The following NF1 variants were observed in gnomAD, a reference collection of about 807,000 sequenced individuals.
NF1 encodes neurofibromin.
A neutral mutation model predicts 325.7 loss-of-function variants in NF1; 122 were observed. That is an observed-to-expected ratio of 0.37 (90% confidence interval 0.32 to 0.44). The LOEUF (loss-of-function observed/expected upper bound fraction) is 0.44, where lower values mean the gene tolerates loss of function less well. Among genes scored for constraint, NF1 ranks in the 20% least tolerant of loss-of-function variants. The pLI is 1.00. For missense variants in NF1, 2,140 were observed against 3,415.4 expected (o/e 0.63, Z 9.31); for synonymous variants, 1,091 against 1,186.0 (o/e 0.92, Z 1.65).
intron 36 of NF1, chr17:31,304,334 ACTC>A (rs771394852): frequency 3.7e-6 from 6 of 1,613,954 alleles, no homozygotes; most frequent in Non-Finnish European, 5.1e-6. Flanking sequence ...GGAATAGAGA[ACTC>A]CTGACACTGG....
intron 4 of NF1, among the ~76,000 whole-genome samples, chr17:31,164,121 A>C (rs1191591186): frequency 1.3e-5 from 2 of 152,216 alleles, no homozygotes; most frequent in African/African-American, 4.8e-5. Context: ...TGATGTGCCA[A>C]ATAATGGAGG....
chr17:31,246,422 A>T (rs1379637891), intron 29 of NF1, among the ~76,000 whole-genome samples: 1 of 152,242 alleles, frequency 6.6e-6, no homozygotes, highest in African/African-American at 2.4e-5. Context: ...TACAGCAATG[A>T]CGTAAGTGTC....
chr17:31,358,986 T>C lies in NF1; in HGVS notation c.8131T>C (p.Leu2711=), dbSNP rs764019553. 1 of 1,613,978 alleles carries C rather than the reference T, an allele frequency of 6.2e-7. No homozygotes were observed. The highest frequency in any genetic ancestry group is 8.5e-7 in the Non-Finnish European group (1 of 1,179,920). ...SYLQSFGFNG[L]WRFAGPFSKQ... ...TGTTGCAGGTTTTGGTTTTAATGGC[T>C]TGTGGCGGTTTGCAGGACCGTTTTC... Residue 2711 remains leucine (L), a synonymous_variant, in exon 56 of 58, where the codon TTG becomes CTG. Coordinates refer to ENST00000358273, the MANE Select transcript of NF1 (RefSeq NM_001042492.3).
intron 36 of NF1, chr17:31,294,889 G>A: frequency 7.5e-7 from 1 of 1,342,198 alleles, no homozygotes; most frequent in Non-Finnish European, 1.1e-6. Context: ...AGTTAGAAAT[G>A]TTAAGACTGG....
At chr17:31,283,783 A>C (rs919103175) in intron 36 of NF1, among the ~76,000 whole-genome samples, 1 of 152,056 alleles carries the variant, frequency 6.6e-6, no homozygotes, top group Non-Finnish European at 1.5e-5. Context: ...CCACCTTATT[A>C]GGCCTAATTA....
intron 15 of NF1, chr17:31,222,585 C>T (rs2066944268): frequency 1.0e-6 from 1 of 1,002,270 alleles, no homozygotes. Flanking sequence ...ATAATGAGAA[C>T]CCCATATGTT....
intron 12 of NF1, among the ~76,000 whole-genome samples, chr17:31,214,035 G>T (rs2066775787): frequency 6.6e-6 from 1 of 152,104 alleles, no homozygotes; most frequent in Non-Finnish European, 1.5e-5. Flanking sequence ...TAGAGTCTAT[G>T]AAATACTTGT....
Position 31,200,572 on chromosome 17 carries a change from C to G in NF1, c.1039C>G (p.Gln347Glu), listed in dbSNP as rs1555610910. 6.2e-7 allele frequency: 1 copy of G among 1,614,088 alleles called. No individual in the cohort carries two copies. Among genetic ancestry groups the G allele is most frequent in the East Asian group, 2.2e-5 (1 of 44,862 alleles). ...TAACTCTGTCATTTTCCTACTTGTTCAGTCCATGGTGGTTGATCTTAAGGT... is the reference window on the plus strand; with the variant it reads ...TAACTCTGTCATTTTCCTACTTGTTGAGTCCATGGTGGTTGATCTTAAGGT... ...EDNSVIFLLV[Q>E]SMVVDLKNLL... is the part of the protein sequence containing the mutation. The change falls in exon 9 of 58, where the codon CAG (glutamine) becomes GAG (glutamate). Residue 347 changes from glutamine (Q) to glutamate (E), a missense_variant. Physicochemically the swap from Gln to Glu is conservative, Grantham distance 29. This residue lies in a region of NF1 where 179 missense variants were observed against 381.0 expected (regional missense o/e 0.47). Coordinates refer to ENST00000358273, the MANE Select transcript of NF1 (RefSeq NM_001042492.3).
Position 31,330,311 on chromosome 17 carries a change from T to C in NF1, c.5625T>C (p.Asn1875=), listed in dbSNP as rs1275173622. The C allele has an allele frequency of 1.2e-6, 2 of 1,614,086 alleles. No homozygotes were observed. Among genetic ancestry groups the C allele is most frequent in the South Asian group, 2.2e-5 (2 of 91,076 alleles). The change falls in exon 39 of 58, where the codon AAT becomes AAC. Residue 1875 remains asparagine (N), a synonymous_variant. Coordinates refer to ENST00000358273, the MANE Select transcript of NF1 (RefSeq NM_001042492.3). ...TTTCTCCTAGGTCAGCTGCCTATAA[T>C]CTTCTGTGTGCCTTAACTTGTACCT... ...SDPSLRSAAY[N]LLCALTCTFN...
chr17:31,373,939 G>A (rs934259703), intron 57 of NF1, 74 bp from the exon 58 acceptor site: 5 of 1,586,608 alleles, frequency 3.2e-6, no homozygotes, highest in Non-Finnish European at 4.3e-6. Flanking sequence ...CCGTTGTTAA[G>A]CGACACATGA....
chr17:31,307,666 A>G (rs1343411537), intron 36 of NF1, among the ~76,000 whole-genome samples: 1 of 152,194 alleles, frequency 6.6e-6, no homozygotes, highest in Admixed American at 6.5e-5. Context: ...GAAGAGTTCT[A>G]CTGAGACAAT....
intron 4 of NF1, among the ~76,000 whole-genome samples, chr17:31,164,563 T>A (rs2065815208): frequency 6.6e-6 from 1 of 152,242 alleles, no homozygotes; most frequent in Admixed American, 6.5e-5. Context: ...TGCCTGCATC[T>A]TTGGCTCGTC....
intron 57 of NF1, chr17:31,361,702 T>TG (rs2070405074): frequency 6.6e-6 from 1 of 152,212 alleles, no homozygotes; most frequent in African/African-American, 2.4e-5. Context: ...ACATAACTAT[T>TG]CTGTGATATT....
chr17:31,368,029 C>A (rs2070564261), intron 57 of NF1, among the ~76,000 whole-genome samples: 1 of 152,022 alleles, frequency 6.6e-6, no homozygotes, highest in Non-Finnish European at 1.5e-5. Context: ...ACATTTATGT[C>A]TAATTTATAA....
intron 31 of NF1, among the ~76,000 whole-genome samples, chr17:31,254,622 C>T (rs2067551601): frequency 2.0e-5 from 3 of 152,064 alleles, no homozygotes; most frequent in Admixed American, 6.5e-5. Flanking sequence ...TGTAGTGTAT[C>T]ACATAATTAA....
intron 8 of NF1, among the ~76,000 whole-genome samples, chr17:31,186,916 A>G (rs1215568558): frequency 6.6e-6 from 1 of 152,228 alleles, no homozygotes; most frequent in Non-Finnish European, 1.5e-5. Context: ...AGCCCTTGAT[A>G]TGACATCATT....
At chr17:31,268,426 A>G (rs1395290835) in intron 36 of NF1, among the ~76,000 whole-genome samples, 1 of 151,946 alleles carries the variant, frequency 6.6e-6, no homozygotes, top group African/African-American at 2.4e-5. Context: ...CAGGAGATCA[A>G]GACCGTCCTG....
intron 1 of NF1, among the ~76,000 whole-genome samples, 184 bp from the exon 2 acceptor site, chr17:31,155,799 A>G (rs766393667): frequency 1.3e-5 from 2 of 152,178 alleles, no homozygotes; most frequent in African/African-American, 2.4e-5. Flanking sequence ...TTGAGATGCA[A>G]ATGTACATAT....
intron 1 of NF1, among the ~76,000 whole-genome samples, chr17:31,097,274 A>G (rs1911814387): frequency 6.6e-6 from 1 of 152,070 alleles, no homozygotes; most frequent in Non-Finnish European, 1.5e-5. Flanking sequence ...CCTGACCAAC[A>G]TGGAGAAACC....
Sources: allele counts gnomAD v4.1 joint callset (sites outside exome capture counted in the v4.1 genomes callset), GRCh38; gene constraint gnomAD v4.1.1; regional missense constraint gnomAD v4.1.1; transcripts MANE v1.5; gene names NCBI Gene and HGNC (gene_info 2026-07-23, HGNC 2026-07-21).